CDH18: variants seen among roughly 807,000 people sequenced by gnomAD.
The protein encoded by CDH18 is cadherin-18.
Under a neutral mutation model 67.9 loss-of-function variants are expected in CDH18, and 31 were observed. The observed-to-expected ratio is 0.46, with a 90% CI of 0.34 to 0.62. The LOEUF (loss-of-function observed/expected upper bound fraction) is 0.62. Among genes scored for constraint, CDH18 ranks in the 20% least tolerant of loss-of-function variants. The pLI, the probability that CDH18 is intolerant of heterozygous loss-of-function variation, is 0.01. For synonymous variants in CDH18, 362 were observed against 347.2 expected (o/e 1.04, Z -0.48); for missense variants, 890 against 975.5 (o/e 0.91, Z 1.17).
intron 2 of CDH18, among the ~76,000 whole-genome samples, chr5:20,218,668 G>C (rs918090209): frequency 6.6e-6 from 1 of 151,914 alleles, no homozygotes; most frequent in South Asian, 2.1e-4. Context: ...TAGAAAATAA[G>C]TCTCATGAGA....
intron 2 of CDH18, among the ~76,000 whole-genome samples, chr5:19,926,058 C>T (rs938759127): frequency 4.0e-5 from 6 of 151,864 alleles, no homozygotes; most frequent in South Asian, 2.1e-4. Context: ...AATATTTTTA[C>T]GGTACTTCTA....
rs567961093 is a variant in CDH18 at position 19,488,574 on chromosome 5, C to T, written c.1631-5022G>A. Among the ~76,000 whole-genome samples the T allele has an allele frequency of 2.9e-4, 44 of 152,014 alleles. No individual in the cohort carries two copies. In the South Asian group the frequency reaches 7.1e-3, roughly 24 times the overall value. On this transcript the variant is annotated intron_variant, in intron 11 of 12. Coordinates refer to ENST00000382275, the MANE Select transcript of CDH18 (RefSeq NM_004934.5). Reference sequence around the variant, plus strand: ...TGTCTCTGAGTTTTTTTCAGTCTTGCGGCAGAAATAGAATCTATTCATAAT... The same window carrying T: ...TGTCTCTGAGTTTTTTTCAGTCTTGTGGCAGAAATAGAATCTATTCATAAT...
chr5:19,882,200 T>C (rs1464778536), intron 2 of CDH18, among the ~76,000 whole-genome samples: 1 of 152,160 alleles, frequency 6.6e-6, no homozygotes, highest in Non-Finnish European at 1.5e-5. Context: ...TCAAAAGCAA[T>C]GTTCACAATT....
At chr5:19,837,078 C>G (rs1421863383) in intron 3 of CDH18, among the ~76,000 whole-genome samples, 2 of 152,082 alleles carry the variant, frequency 1.3e-5, no homozygotes, top group East Asian at 3.9e-4. Context: ...ACTATGCAGC[C>G]ATAAAAAAGG....
chr5:19,769,594 A>C (rs2149734013), intron 3 of CDH18, among the ~76,000 whole-genome samples: 1 of 152,204 alleles, frequency 6.6e-6, no homozygotes, highest in South Asian at 2.1e-4. Context: ...TATAAGCAAA[A>C]GTTAACTGGA....
chr5:19,877,018 G>T (rs1787083645), intron 2 of CDH18, among the ~76,000 whole-genome samples: 1 of 152,056 alleles, frequency 6.6e-6, no homozygotes, highest in African/African-American at 2.4e-5. Flanking sequence ...GGCCTTCGAA[G>T]AAGGCTGAGC....
rs751495670 is a variant in CDH18 at position 20,314,174 on chromosome 5, CATT to C, written c.-579-58672_-579-58670del. On this transcript the variant is annotated intron_variant, in intron 1 of 14. Coordinates refer to the CDH18 transcript ENST00000507958. The stretch of plus-strand genomic sequence containing the variant: ...ATTATTGCCTAAAATTATACTTAAT[CATT>C]ATATTTTGTTTTAATATTGTTTGAC... 1.2e-4 allele frequency among the ~76,000 whole-genome samples: 18 copies of C among 151,978 alleles called. No homozygotes were observed. In the South Asian group the frequency reaches 2.5e-3, roughly 21 times the overall value.
At chr5:20,172,212 A>ATATATATG (rs1554098743) in intron 2 of CDH18, among the ~76,000 whole-genome samples, 1 of 50,724 alleles carries the variant, frequency 2.0e-5, no homozygotes, top group East Asian at 5.2e-4. Context: ...ATATATATAT[A>ATATATATG]TATATATATA....
At chr5:19,478,766 C>T (rs1358767600) in intron 12 of CDH18, 1 of 152,158 alleles carries the variant, frequency 6.6e-6, no homozygotes, top group Admixed American at 6.5e-5. Flanking sequence ...ACTCTAGTCC[C>T]TCTGGCAAGA....
chr5:19,479,738 A>C (rs1248733333), intron 12 of CDH18, among the ~76,000 whole-genome samples: 1 of 152,056 alleles, frequency 6.6e-6, no homozygotes, highest in African/African-American at 2.4e-5. Flanking sequence ...ACCTGCTTAT[A>C]TGTGAGGTAT....
chr5:19,596,733 T>C (rs763067540), intron 6 of CDH18, among the ~76,000 whole-genome samples: 7 of 152,154 alleles, frequency 4.6e-5, no homozygotes, highest in Non-Finnish European at 1.0e-4. Flanking sequence ...AGATTATGTT[T>C]ATAGAAAAAA....
chr5:19,830,628 A>G (rs1164464450), intron 3 of CDH18, among the ~76,000 whole-genome samples: 2 of 152,060 alleles, frequency 1.3e-5, no homozygotes, highest in Admixed American at 1.3e-4. Flanking sequence ...TCAGTGTGGC[A>G]ATTTTTCTAA....
intron 2 of CDH18, among the ~76,000 whole-genome samples, chr5:20,027,107 T>C (rs535690171): frequency 2.6e-5 from 4 of 152,230 alleles, no homozygotes; most frequent in African/African-American, 7.2e-5. Context: ...TTGTTGCTTT[T>C]ATAAATAAAT....
At chr5:20,161,557 T>C (rs951528046) in intron 2 of CDH18, among the ~76,000 whole-genome samples, 2 of 152,196 alleles carry the variant, frequency 1.3e-5, no homozygotes, top group African/African-American at 4.8e-5. Context: ...AATATCCAAA[T>C]GCAGCATATT....
At chr5:20,230,408 A>G (rs2126497389) in intron 2 of CDH18, among the ~76,000 whole-genome samples, 2 of 152,314 alleles carry the variant, frequency 1.3e-5, no homozygotes, top group Admixed American at 1.3e-4. Context: ...ACATTTAACC[A>G]TATCATGATG....
intron 4 of CDH18, among the ~76,000 whole-genome samples, chr5:19,729,309 T>C (rs927987838): frequency 6.6e-6 from 1 of 152,228 alleles, no homozygotes; most frequent in African/African-American, 2.4e-5. Context: ...CAATAATCTA[T>C]TGAGAAAATG....
At chr5:19,630,235 C>T (rs958600865) in intron 5 of CDH18, among the ~76,000 whole-genome samples, 1 of 152,150 alleles carries the variant, frequency 6.6e-6, no homozygotes, top group Non-Finnish European at 1.5e-5. Context: ...AGCCACTGTG[C>T]CTGGCCAGGA....
intron 1 of CDH18, among the ~76,000 whole-genome samples, chr5:20,333,607 G>T (rs901400011): frequency 6.7e-6 from 1 of 149,076 alleles, no homozygotes; most frequent in African/African-American, 2.5e-5. Context: ...GGTAATCTTT[G>T]CCTTGTTGAT....
chr5:19,931,412 T>C (rs1793678699), intron 2 of CDH18, among the ~76,000 whole-genome samples: 2 of 151,962 alleles, frequency 1.3e-5, no homozygotes, highest in African/African-American at 4.8e-5. Context: ...GAAGTGAACA[T>C]GCATTAAAAC....
Sources: gnomAD v4.1 joint callset for allele counts (sites outside exome capture counted in the v4.1 genomes callset) on GRCh38, gnomAD v4.1.1 for gene constraint, MANE v1.5 for transcripts, NCBI Gene and HGNC (gene_info 2026-07-23, HGNC 2026-07-21) for gene names.